Variants in HSF2BP observed in about 807,000 individuals in gnomAD.
The protein encoded by HSF2BP is heat shock transcription factor 2 binding protein.
In HSF2BP, 35 loss-of-function variants were observed where a neutral mutation model predicts 35.0. The ratio of observed to expected loss-of-function variants is 1.00; its 90% CI spans 0.76 to 1.32. The LOEUF (loss-of-function observed/expected upper bound fraction) is 1.32, where lower values mean the gene tolerates loss of function less well. Ranked by LOEUF, HSF2BP falls within the 40% of genes most tolerant of loss-of-function variation. The pLI is 0.00. For missense variants in HSF2BP, 326 were observed against 321.7 expected (o/e 1.01, Z -0.10); for synonymous variants, 114 against 117.4 (o/e 0.97, Z 0.18).
chr21:43,574,144 T>A (rs1268710965), intron 8 of HSF2BP, among the ~76,000 whole-genome samples: 1 of 152,140 alleles, frequency 6.6e-6, no homozygotes, highest in Non-Finnish European at 1.5e-5. Context: ...ACTGCCAGCA[T>A]CCTGCCTTCC....
intron 2 of HSF2BP, chr21:43,657,805 C>G: frequency 5.1e-6 from 5 of 983,268 alleles, no homozygotes; most frequent in Non-Finnish European, 6.0e-6. Flanking sequence ...CCCATGCCCG[C>G]TTTGGCGCCA....
chr21:43,648,077 T>C (rs994543510), intron 3 of HSF2BP, among the ~76,000 whole-genome samples: 3 of 152,112 alleles, frequency 2.0e-5, no homozygotes, highest in African/African-American at 7.2e-5. Flanking sequence ...ACGGGTGATA[T>C]TAAAACACCA....
intron 3 of HSF2BP, among the ~76,000 whole-genome samples, chr21:43,649,291 G>A (rs564816117): frequency 2.0e-5 from 3 of 151,848 alleles, no homozygotes; most frequent in Admixed American, 6.6e-5. Context: ...AAATGAGCCG[G>A]GCATGATGGC....
At chr21:43,657,708 C>A in intron 2 of HSF2BP, 2 of 413,260 alleles carry the variant, frequency 4.8e-6, no homozygotes, top group Non-Finnish European at 6.5e-6. Context: ...AAGCCTGACG[C>A]TAAGTCCCGA....
In HSF2BP at chr21:43,604,481, C is replaced by G. The variant is rs879046846; in HGVS notation, c.692+9349G>C. Among the ~76,000 whole-genome samples the G allele has an allele frequency of 1.0e-4, 6 of 58,764 alleles. No individual in the cohort carries two copies. The South Asian group carries it at 4.6e-3, about 45-fold the overall frequency. 38.6% of individuals were successfully genotyped at this position (58,764 alleles called of 152,430 possible). ...CACACACAACACACAGCACGCACAC[C>G]ATACACACACACACCACACACTACA... On this transcript the variant is annotated intron_variant, in intron 7 of 8. Transcript: ENST00000291560.
rs145029179 is a variant in HSF2BP, at chr21:43,633,387, G to A, written c.326C>T (p.Ala109Val). Reference sequence around the variant, plus strand: ...TGCCTGCTGCAGGAGTTGCTGCTTCGCTTCATTCAACTGCTGTCGAAGAGC... The same window carrying A: ...TGCCTGCTGCAGGAGTTGCTGCTTCACTTCATTCAACTGCTGTCGAAGAGC... ...KLALRQQLNE[A>V]KQQLLQQAEY... is the part of the protein sequence containing the mutation. Residue 109 changes from alanine (A) to valine (V), a missense_variant, in exon 5 of 9, where the codon GCG becomes GTG. Ala to Val is a moderately conservative substitution (Grantham distance 64, BLOSUM62 0). Coordinates refer to ENST00000291560, the MANE Select transcript of HSF2BP (RefSeq NM_007031.2). 360 of 1,612,458 alleles carry A rather than the reference G, an allele frequency of 2.2e-4. 2 individuals are homozygous for A. In the African/African-American group the frequency reaches 3.4e-3, roughly 15 times the overall value.
chr21:43,638,672 G>A (rs1352512404), intron 4 of HSF2BP, among the ~76,000 whole-genome samples: 3 of 152,090 alleles, frequency 2.0e-5, no homozygotes, highest in Admixed American at 1.3e-4. Context: ...TTAAAGAAAT[G>A]GAGAGACATG....
At chr21:43,644,557 C>A (rs1421346965) in intron 3 of HSF2BP, among the ~76,000 whole-genome samples, 165 bp from the exon 4 acceptor site, 1 of 152,236 alleles carries the variant, frequency 6.6e-6, no homozygotes, top group Non-Finnish European at 1.5e-5. Flanking sequence ...AATATTCTAA[C>A]AGTCCTGTTC....
intron 4 of HSF2BP, among the ~76,000 whole-genome samples, chr21:43,637,082 A>G (rs2082572594): frequency 6.6e-6 from 1 of 152,032 alleles, no homozygotes; most frequent in Non-Finnish European, 1.5e-5. Context: ...TGGGGCCAGG[A>G]GTTCGAGACC....
intron 4 of HSF2BP, among the ~76,000 whole-genome samples, chr21:43,638,749 C>T (rs375361310): frequency 1.1e-4 from 17 of 152,108 alleles, no homozygotes; most frequent in East Asian, 5.8e-4. Flanking sequence ...GATCTACAAA[C>T]GTACCACAAT....
chr21:43,612,676 C>T (rs892517566), intron 7 of HSF2BP, among the ~76,000 whole-genome samples: 1 of 132,294 alleles, frequency 7.6e-6, no homozygotes, highest in Non-Finnish European at 1.6e-5. Context: ...AAAAAAAGTG[C>T]TCCACAGCAG....
At chr21:43,589,340 AC>A (rs1272853489) in intron 8 of HSF2BP, among the ~76,000 whole-genome samples, 3 of 152,132 alleles carry the variant, frequency 2.0e-5, no homozygotes, top group Admixed American at 6.5e-5. Flanking sequence ...AACAGGAGTG[AC>A]CCTTGTGTCT....
intron 1 of HSF2BP, among the ~76,000 whole-genome samples, chr21:43,658,996 G>A (rs1033301171): frequency 1.3e-5 from 2 of 152,192 alleles, no homozygotes; most frequent in African/African-American, 4.8e-5. Flanking sequence ...TGCTAAATGG[G>A]ATTAAAGATC....
chr21:43,630,541 G>C, intron 5 of HSF2BP, 87 bp from the exon 6 acceptor site: 3 of 1,396,714 alleles, frequency 2.1e-6, no homozygotes, highest in Non-Finnish European at 1.9e-6. Flanking sequence ...GAAGATTCTA[G>C]TTTTAATTGT....
chr21:43,584,210 C>G (rs2081815692), intron 8 of HSF2BP, among the ~76,000 whole-genome samples: 1 of 152,054 alleles, frequency 6.6e-6, no homozygotes, highest in South Asian at 2.1e-4. Context: ...GATGAAGGGC[C>G]TGCTGAGGGA....
chr21:43,468,123 AACCACACAC>A, the HSF2BP span, among the ~76,000 whole-genome samples: 4 of 106,280 alleles, frequency 3.8e-5, no homozygotes, highest in African/African-American at 1.6e-4. Flanking sequence ...ACACACCACA[AACCACACAC>A]ACCACACACA....
intron 5 of HSF2BP, among the ~76,000 whole-genome samples, chr21:43,630,846 T>G (rs75290307): frequency 6.6e-6 from 1 of 152,068 alleles, no homozygotes; most frequent in Non-Finnish European, 1.5e-5. Flanking sequence ...AATGAAAACA[T>G]GTAAAAGAGG....
intron 8 of HSF2BP, among the ~76,000 whole-genome samples, chr21:43,585,347 G>T (rs574534466): frequency 2.6e-5 from 4 of 152,176 alleles, no homozygotes; most frequent in South Asian, 4.1e-4. Flanking sequence ...GTCTCACTCC[G>T]CATTTTGACT....
intron 7 of HSF2BP, among the ~76,000 whole-genome samples, chr21:43,593,881 A>G (rs977156756): frequency 2.6e-5 from 4 of 152,162 alleles, no homozygotes; most frequent in South Asian, 2.1e-4. Context: ...ATGAAGGAAA[A>G]AAATGTTTCA....
Sources: gnomAD v4.1 joint callset for allele counts (sites outside exome capture counted in the v4.1 genomes callset) on GRCh38, gnomAD v4.1.1 for gene constraint, MANE v1.5 for transcripts, NCBI Gene and HGNC (gene_info 2026-07-23, HGNC 2026-07-21) for gene names.